The following CBL variants were observed in gnomAD, a reference collection of about 807,000 sequenced individuals.
CBL encodes the protein Cbl proto-oncogene.
CBL carries 45 observed loss-of-function variants against 96.9 expected under a neutral mutation model. The observed-to-expected ratio is 0.46, with a 90% CI of 0.37 to 0.60. The LOEUF is 0.60. Ranked by LOEUF, CBL falls within the 20% of genes least tolerant of loss-of-function variation. The pLI, the probability that CBL is intolerant of heterozygous loss-of-function variation, is 0.00. For synonymous variants in CBL, 420 were observed against 426.8 expected, an observed-to-expected ratio of 0.98 and a Z score of 0.20; for missense variants, 1,024 against 1,143.5, an observed-to-expected ratio of 0.90 and a Z score of 1.51.
chr11:119,245,160 CCTTGCCCGACCAGTT>C (rs1214416518), intron 2 of CBL, among the ~76,000 whole-genome samples: 1 of 143,976 alleles, frequency 6.9e-6, no homozygotes, highest in East Asian at 2.2e-4. Flanking sequence ...GTGTGAGCCA[CCTTGCCCGACCAGTT>C]TTTTTTTTTT....
In CBL at chr11:119,206,546, C is replaced by A. The variant is rs1426838858; in HGVS notation, c.129C>A (p.Leu43=). 6.4e-7 allele frequency: 1 copy of A among 1,551,234 alleles called. No homozygotes were observed. Among genetic ancestry groups the A allele is most frequent in the African/African-American group, 1.4e-5 (1 of 73,054 alleles). ...CGCACCACCACCACCACCACCACCT[C>A]AGCCCCCACCCGCCGGGGACGGTGG... ...FQPHHHHHHH[L]SPHPPGTVDK... The change falls in exon 1 of 16, where the codon CTC becomes CTA. Residue 43 remains leucine (L), a synonymous_variant. Coordinates refer to ENST00000264033, the MANE Select transcript of CBL (RefSeq NM_005188.4).
chr11:119,228,585 G>A (rs1307783271), intron 1 of CBL, among the ~76,000 whole-genome samples: 5 of 148,264 alleles, frequency 3.4e-5, no homozygotes, highest in Admixed American at 1.4e-4. Flanking sequence ...CAGCCTGAGC[G>A]ACAAGAGCAA....
chr11:119,266,032 A>AAAAAAG (rs1213584463), intron 2 of CBL, among the ~76,000 whole-genome samples: 1 of 148,864 alleles, frequency 6.7e-6, no homozygotes, highest in African/African-American at 2.4e-5. Flanking sequence ...AAAAAAAAAA[A>AAAAAAG]AAAGAAAGAA....
At chr11:119,281,508 T>C (rs1949933357) in intron 9 of CBL, among the ~76,000 whole-genome samples, 1 of 151,104 alleles carries the variant, frequency 6.6e-6, no homozygotes. Flanking sequence ...TTTTTTTTTT[T>C]TTTTGAGACA....
At chr11:119,280,057 C>T (rs1483863517) in intron 9 of CBL, among the ~76,000 whole-genome samples, 4 of 152,152 alleles carry the variant, frequency 2.6e-5, no homozygotes, top group Admixed American at 2.6e-4. Flanking sequence ...ACACACTTTC[C>T]CTAGCCATGT....
chr11:119,207,317 G>A (rs1371043856), intron 1 of CBL, among the ~76,000 whole-genome samples: 1 of 152,182 alleles, frequency 6.6e-6, no homozygotes, highest in Non-Finnish European at 1.5e-5. Flanking sequence ...CACAAGTTCT[G>A]GTTAGAACTA....
At chr11:119,242,348 C>T (rs1175255787) in intron 2 of CBL, among the ~76,000 whole-genome samples, 3 of 151,662 alleles carry the variant, frequency 2.0e-5, no homozygotes, top group African/African-American at 7.3e-5. Context: ...TCGAGACCAG[C>T]GTGAACATGG....
chr11:119,282,108 C>CCAGAGAATGGCTTGAACCTGGGAGGCAGA (rs1949939963), intron 9 of CBL, among the ~76,000 whole-genome samples: 11 of 151,490 alleles, frequency 7.3e-5, no homozygotes, highest in African/African-American at 2.7e-4. Context: ...GAGGCCGAAG[C>CCAGAGAATGGCTTGAACCTGGGAGGCAGA]GGGCAGATCA....
chr11:119,285,477 C>T lies in CBL; in HGVS notation c.1852C>T (p.His618Tyr), dbSNP rs1344210823. The change falls in exon 11 of 16, where the codon CAC (histidine) becomes TAC (tyrosine). Residue 618 changes from histidine (H) to tyrosine (Y), a missense_variant. Coordinates refer to ENST00000264033, the MANE Select transcript of CBL (RefSeq NM_005188.4). ...GACAGGAAGAGAATTAACCAACCGGCACTCACTTCCATTTTCATTGCCCTC... is the reference window on the plus strand; with the variant it reads ...GACAGGAAGAGAATTAACCAACCGGTACTCACTTCCATTTTCATTGCCCTC... ...PWTGRELTNR[H>Y]SLPFSLPSQM... is the part of the protein sequence containing the mutation. 2 of 1,614,138 alleles carry T rather than the reference C, an allele frequency of 1.2e-6. No individual in the cohort carries two copies. Among genetic ancestry groups the T allele is most frequent in the South Asian group, 1.1e-5 (1 of 91,088 alleles).
intron 6 of CBL, among the ~76,000 whole-genome samples, chr11:119,277,241 G>GCACACACACACA (rs59099916): frequency 0.014 from 1,979 of 146,442 alleles, 21 homozygotes; most frequent in East Asian, 0.028. Context: ...AATCTGTCGC[G>GCACACACACACA]CACACACACA....
At chr11:119,209,487 C>T (rs567873588) in intron 1 of CBL, among the ~76,000 whole-genome samples, 1 of 152,240 alleles carries the variant, frequency 6.6e-6, no homozygotes, top group East Asian at 1.9e-4. Context: ...GGTGTGGTGG[C>T]AGACGCCTGT....
At chr11:119,212,874 A>G (rs1949329224) in intron 1 of CBL, among the ~76,000 whole-genome samples, 2 of 151,106 alleles carry the variant, frequency 1.3e-5, no homozygotes, top group African/African-American at 4.9e-5. Flanking sequence ...GCTGAGCATG[A>G]TGGCGGGTGC....
intron 2 of CBL, among the ~76,000 whole-genome samples, chr11:119,236,305 C>T (rs1214794749): frequency 6.6e-6 from 1 of 151,900 alleles, no homozygotes; most frequent in Non-Finnish European, 1.5e-5. Flanking sequence ...CTGGACGTTT[C>T]GTGTTAAGTG....
At chr11:119,217,392 C>T (rs1187510631) in intron 1 of CBL, among the ~76,000 whole-genome samples, 5 of 152,164 alleles carry the variant, frequency 3.3e-5, no homozygotes, top group African/African-American at 1.2e-4. Context: ...GGATTACAGG[C>T]GTGAGCTACC....
chr11:119,280,056 C>G (rs1388684382), intron 9 of CBL, among the ~76,000 whole-genome samples: 1 of 152,220 alleles, frequency 6.6e-6, no homozygotes, highest in African/African-American at 2.4e-5. Context: ...AACACACTTT[C>G]CCTAGCCATG....
chr11:119,284,104 A>G (rs1949961927), intron 9 of CBL, among the ~76,000 whole-genome samples: 1 of 152,048 alleles, frequency 6.6e-6, no homozygotes, highest in Admixed American at 6.6e-5. Flanking sequence ...TCCTGGCCTC[A>G]AGCAATCCTC....
At chr11:119,285,135 C>G (rs1271991252) in intron 10 of CBL, 35 bp downstream of exon 10, 3 of 1,613,984 alleles carry the variant, frequency 1.9e-6, no homozygotes, top group East Asian at 4.5e-5. Flanking sequence ...TTTTTGGATT[C>G]TTTGCTGTGT....
In CBL at chr11:119,296,475, T is replaced by C. The variant is rs529150330; in HGVS notation, c.2037-443T>C. On this transcript the variant is annotated intron_variant, in intron 12 of 15. Coordinates refer to ENST00000264033, the MANE Select transcript of CBL (RefSeq NM_005188.4). ...GCTTTATCTCTCTCTATTTTAAATTTTTCTTATATAAAACAAGGAGTTTGA... is the reference window on the plus strand; with the variant it reads ...GCTTTATCTCTCTCTATTTTAAATTCTTCTTATATAAAACAAGGAGTTTGA... Among the ~76,000 whole-genome samples, 4 of 152,316 alleles carry C rather than the reference T, an allele frequency of 2.6e-5. No individual in the cohort carries two copies. In the East Asian group the frequency reaches 5.8e-4, roughly 22 times the overall value.
intron 2 of CBL, among the ~76,000 whole-genome samples, chr11:119,270,613 ATTT>A (rs1949839409): frequency 6.8e-6 from 1 of 147,330 alleles, no homozygotes. Context: ...CGCCCGGCTA[ATTT>A]TTTGTATTTT....
Sources: allele counts gnomAD v4.1 joint callset (sites outside exome capture counted in the v4.1 genomes callset), GRCh38; gene constraint gnomAD v4.1.1; transcripts MANE v1.5; gene names NCBI Gene and HGNC (gene_info 2026-07-23, HGNC 2026-07-21).